Variants in DGUOK observed in about 807,000 individuals in gnomAD.
DGUOK encodes the protein deoxyguanosine kinase.
Under a neutral mutation model 36.6 loss-of-function variants are expected in DGUOK, and 30 were observed. The ratio of observed to expected loss-of-function variants is 0.82; its 90% CI spans 0.61 to 1.11. DGUOK has a LOEUF of 1.11. Ranked by LOEUF, DGUOK falls within the 50% of genes most tolerant of loss-of-function variation. The pLI is 0.00. For missense variants in DGUOK, 361 were observed against 336.4 expected (o/e 1.07, Z -0.57); for synonymous variants, 145 against 126.3 (o/e 1.15, Z -0.99).
At chr2:73,940,768 G>A (rs1681839042) in intron 2 of DGUOK, among the ~76,000 whole-genome samples, 1 of 152,188 alleles carries the variant, frequency 6.6e-6, no homozygotes, top group South Asian at 2.1e-4. Context: ...CAATACAGTA[G>A]CATGCGATAC....
chr2:73,940,964 T>C (rs1681856208), intron 2 of DGUOK, among the ~76,000 whole-genome samples: 1 of 152,258 alleles, frequency 6.6e-6, no homozygotes, highest in Non-Finnish European at 1.5e-5. Flanking sequence ...AATTGTTTGA[T>C]ATTCCTCCCT....
chr2:73,929,576 ATATT>A (rs775288542), intron 1 of DGUOK, among the ~76,000 whole-genome samples: 13 of 152,228 alleles, frequency 8.5e-5, no homozygotes, highest in Non-Finnish European at 1.5e-4. Flanking sequence ...GAGCATGCAA[ATATT>A]ATGAAACTGG....
At chr2:73,946,587 A>C in intron 2 of DGUOK, 132 bp from the exon 3 acceptor site, 1 of 850,380 alleles carries the variant, frequency 1.2e-6, no homozygotes, top group African/African-American at 1.7e-5. Flanking sequence ...TGGTGGAAGG[A>C]AACTTTTGTA....
intron 1 of DGUOK, among the ~76,000 whole-genome samples, chr2:73,934,482 G>T (rs1163958919): frequency 3.9e-5 from 6 of 152,214 alleles, no homozygotes; most frequent in Non-Finnish European, 7.3e-5. Context: ...GCCGGGCGAT[G>T]TGGCTAACCC....
At chr2:73,954,784 C>T (rs1682965598) in intron 4 of DGUOK, among the ~76,000 whole-genome samples, 1 of 152,144 alleles carries the variant, frequency 6.6e-6, no homozygotes, top group Admixed American at 6.5e-5. Flanking sequence ...GCAAGCAGAG[C>T]AGCAGTTCTT....
At position 73,951,938 on chromosome 2, in the gene DGUOK, G is replaced by A. The variant is rs141530999; in HGVS notation, c.591+1206G>A. On this transcript the variant is annotated intron_variant, in intron 4 of 6. Coordinates refer to ENST00000264093, the MANE Select transcript of DGUOK (RefSeq NM_080916.3). ...AATCCCAGCACTTTGGGAGGCTGGC[G>A]TGGGAGGATCACTTGAGGCCAGGAG... is the stretch of plus-strand genomic sequence containing the variant. 4.6e-3 allele frequency among the ~76,000 whole-genome samples: 707 copies of A among 152,332 alleles called. 2 individuals carry two copies. Among genetic ancestry groups the A allele is most frequent in the Non-Finnish European group, 7.4e-3 (502 of 68,030 alleles).
chr2:73,957,838 GTA>G (rs1040768100), intron 5 of DGUOK: 3 of 368,262 alleles, frequency 8.1e-6, no homozygotes, highest in Non-Finnish European at 1.6e-5. Flanking sequence ...GAAATTGTCA[GTA>G]TTACTAAGTT....
chr2:73,957,998 T>G (rs967377769), intron 5 of DGUOK, 148 bp from the exon 6 acceptor site: 3 of 643,988 alleles, frequency 4.7e-6, no homozygotes, highest in Admixed American at 2.4e-5. Flanking sequence ...ATTGAATTTG[T>G]TTTTTTAAAT....
intron 1 of DGUOK, among the ~76,000 whole-genome samples, chr2:73,934,810 C>G (rs1681332891): frequency 6.7e-6 from 1 of 149,562 alleles, no homozygotes; most frequent in African/African-American, 2.5e-5. Context: ...CAGTGGCTCA[C>G]GCCTGTAATC....
At chr2:73,931,536 AT>A (rs1681037349) in intron 1 of DGUOK, among the ~76,000 whole-genome samples, 1 of 152,186 alleles carries the variant, frequency 6.6e-6, no homozygotes. Context: ...GAAGGGTGGG[AT>A]TTGCCATATG....
Position 73,938,945 on chromosome 2 carries a change from A to G in DGUOK, c.178A>G (p.Lys60Glu). 3 of 1,614,080 alleles carry G rather than the reference A, an allele frequency of 1.9e-6. No individual in the cohort carries two copies. Among genetic ancestry groups the G allele is most frequent in the Non-Finnish European group, 2.5e-6 (3 of 1,179,910 alleles). Residue 60 changes from lysine to glutamate, a missense_variant, in exon 2 of 7, where the codon AAA becomes GAA. Lys to Glu is a moderately conservative substitution (Grantham distance 56, BLOSUM62 1). Transcript: ENST00000264093. ...GTCCACGTTTGTGAAGTTACTCACG[A>G]AAACTTACCCAGAATGGCACGTAGC... ...GKSTFVKLLTKTYPEWHVATE... is the reference protein window; with the variant it reads ...GKSTFVKLLTETYPEWHVATE...
chr2:73,943,334 T>C (rs1433937209), intron 2 of DGUOK, among the ~76,000 whole-genome samples: 1 of 151,222 alleles, frequency 6.6e-6, no homozygotes, highest in Admixed American at 6.6e-5. Context: ...TTTTTTTTTT[T>C]TTTTTTTTGT....
intron 1 of DGUOK, among the ~76,000 whole-genome samples, chr2:73,929,364 C>G (rs1490677873): frequency 6.6e-6 from 1 of 152,232 alleles, no homozygotes; most frequent in Non-Finnish European, 1.5e-5. Context: ...CCTGCCTTGG[C>G]TTCCCAAAGT....
chr2:73,944,739 A>G (rs954070949), intron 2 of DGUOK, among the ~76,000 whole-genome samples: 1 of 152,212 alleles, frequency 6.6e-6, no homozygotes, highest in Non-Finnish European at 1.5e-5. Context: ...TTGATAGCCC[A>G]AAGCCCACTG....
intron 4 of DGUOK, among the ~76,000 whole-genome samples, chr2:73,952,045 C>T (rs1489168043): frequency 1.3e-5 from 2 of 152,046 alleles, no homozygotes; most frequent in Non-Finnish European, 2.9e-5. Flanking sequence ...TTATGTGTGC[C>T]TGTGGTTTTA....
intron 1 of DGUOK, among the ~76,000 whole-genome samples, chr2:73,937,293 C>G (rs565544138): frequency 2.6e-5 from 4 of 152,354 alleles, no homozygotes; most frequent in African/African-American, 9.6e-5. Context: ...GTGGCCACAC[C>G]CATCTTGAGC....
chr2:73,939,825 CTT>C (rs2104911215), intron 2 of DGUOK, among the ~76,000 whole-genome samples: 1 of 151,962 alleles, frequency 6.6e-6, no homozygotes, highest in Admixed American at 6.5e-5. Context: ...CCTCTTAAGT[CTT>C]TTAACTTTTC....
chr2:73,930,046 A>G (rs1680894529), intron 1 of DGUOK, among the ~76,000 whole-genome samples: 1 of 152,244 alleles, frequency 6.6e-6, no homozygotes, highest in Non-Finnish European at 1.5e-5. Context: ...TAAGCAAGAA[A>G]GAATGGAATC....
chr2:73,939,924 G>A (rs916907970), intron 2 of DGUOK, among the ~76,000 whole-genome samples: 6 of 51,776 alleles, frequency 1.2e-4, no homozygotes, highest in African/African-American at 4.9e-4. Flanking sequence ...TTTTTTTTTT[G>A]ACAGTCTCAT....
Sources: gnomAD v4.1 joint callset for allele counts (sites outside exome capture counted in the v4.1 genomes callset) on GRCh38, gnomAD v4.1.1 for gene constraint, MANE v1.5 for transcripts, NCBI Gene and HGNC (gene_info 2026-07-23, HGNC 2026-07-21) for gene names.